The following PAK3 variants were observed in gnomAD, a reference collection of about 807,000 sequenced individuals.
PAK3 encodes serine/threonine-protein kinase PAK 3.
A neutral mutation model predicts 41.0 loss-of-function variants in PAK3; 4 were observed. The ratio of observed to expected loss-of-function variants is 0.10; its 90% CI spans 0.05 to 0.22. The LOEUF is 0.22. Ranked by LOEUF, PAK3 falls within the 10% of genes least tolerant of loss-of-function variation. The pLI is 1.00. For missense variants in PAK3, 205 were observed against 409.9 expected (o/e 0.50, Z 4.32); for synonymous variants, 146 against 139.6 (o/e 1.05, Z -0.32).
intron 8 of PAK3, among the ~76,000 whole-genome samples, chrX:111,160,519 GGTTT>G (rs1569422535): frequency 1.8e-5 from 2 of 108,945 alleles, no homozygotes. Context: ...ACAACGTGCA[GGTTT>G]GTTACATATG....
At chrX:111,063,358 G>A (rs955255316) in intron 1 of PAK3, among the ~76,000 whole-genome samples, 7 of 112,061 alleles carry the variant, frequency 6.2e-5, no homozygotes, top group Non-Finnish European at 1.1e-4. Context: ...CAATTTAAGA[G>A]TTCACAAAAT....
At chrX:111,064,063 C>T (rs770439276) in intron 1 of PAK3, among the ~76,000 whole-genome samples, 2 of 110,814 alleles carry the variant, frequency 1.8e-5, no homozygotes, top group South Asian at 7.7e-4. Flanking sequence ...CTTTGTGTAC[C>T]CTGAGCTATG....
At chrX:110,997,532 A>G (rs1447156106) in intron 1 of PAK3, among the ~76,000 whole-genome samples, 1 of 111,765 alleles carries the variant, frequency 8.9e-6, no homozygotes, top group African/African-American at 3.3e-5. Flanking sequence ...AGACCTATAA[A>G]TAGGACATGA....
chrX:111,108,589 G>T (rs764870197), intron 4 of PAK3, among the ~76,000 whole-genome samples: 11 of 112,565 alleles, frequency 9.8e-5, no homozygotes, highest in African/African-American at 3.5e-4. Context: ...TAGGTTGTGT[G>T]CTCCTTATGA....
At chrX:110,995,079 G>A (rs1050762424) in intron 1 of PAK3, among the ~76,000 whole-genome samples, 5 of 111,222 alleles carry the variant, frequency 4.5e-5, no homozygotes, top group South Asian at 3.8e-4. Flanking sequence ...TTGTGTTTAC[G>A]TCTTGATCTC....
intron 1 of PAK3, among the ~76,000 whole-genome samples, chrX:111,052,566 A>T (rs895465390): frequency 2.7e-5 from 3 of 112,218 alleles, no homozygotes; most frequent in African/African-American, 9.7e-5. Context: ...GGGTGGGTAC[A>T]ATTACTGTTA....
intron 1 of PAK3, among the ~76,000 whole-genome samples, chrX:110,988,485 G>A (rs897518160): frequency 2.7e-5 from 3 of 111,739 alleles, no homozygotes; most frequent in Non-Finnish European, 5.6e-5. Context: ...TATATACATC[G>A]TTTGTGTGTA....
chrX:111,162,313 G>A (rs1283601787), intron 8 of PAK3, among the ~76,000 whole-genome samples: 2 of 111,869 alleles, frequency 1.8e-5, no homozygotes, highest in African/African-American at 6.5e-5. Context: ...TTTAACTCAT[G>A]GTTAATATTG....
At chrX:110,956,793 A>T (rs1354203076) in intron 1 of PAK3, among the ~76,000 whole-genome samples, 3 of 111,624 alleles carry the variant, frequency 2.7e-5, no homozygotes, top group African/African-American at 6.5e-5. Flanking sequence ...GAGAGCACTT[A>T]GTCTCCTCCC....
intron 1 of PAK3, among the ~76,000 whole-genome samples, chrX:110,988,608 G>T (rs1382562823): frequency 9.0e-6 from 1 of 111,549 alleles, no homozygotes; most frequent in Admixed American, 9.5e-5. Flanking sequence ...GGAGAAACTG[G>T]CATCCAGAGA....
Position 111,163,550 on chromosome X carries a change from T to C in PAK3, c.601-12T>C, listed in dbSNP as rs762812731. 2 of 1,192,223 alleles carry C rather than the reference T, an allele frequency of 1.7e-6. No homozygotes were observed. Among genetic ancestry groups the C allele is most frequent in the South Asian group, 1.8e-5 (1 of 56,485 alleles). Reference sequence around the variant, plus strand: ...CTGCTGTTTTAATTGCAGAGCTTTTTGGTTTTTTTAGATCTATACTCGTTC... The same window carrying C: ...CTGCTGTTTTAATTGCAGAGCTTTTCGGTTTTTTTAGATCTATACTCGTTC... On this transcript the variant is annotated splice_polypyrimidine_tract_variant and intron_variant, in intron 9 of 17. Transcript: ENST00000372007.
At chrX:111,166,505 G>T (rs2094257303) in intron 10 of PAK3, among the ~76,000 whole-genome samples, 1 of 110,527 alleles carries the variant, frequency 9.0e-6, no homozygotes, top group Non-Finnish European at 1.9e-5. Context: ...TTGCTGTGTT[G>T]CCCAGGCTGG....
At chrX:111,035,652 T>C (rs1176046438) in intron 1 of PAK3, among the ~76,000 whole-genome samples, 1 of 112,449 alleles carries the variant, frequency 8.9e-6, no homozygotes, top group African/African-American at 3.2e-5. Context: ...CTTTAAGTGC[T>C]GTGCAACTAC....
chrX:110,986,610 A>G (rs901040389), intron 1 of PAK3, among the ~76,000 whole-genome samples: 1 of 111,812 alleles, frequency 8.9e-6, no homozygotes, highest in African/African-American at 3.3e-5. Context: ...GGGCTGTATT[A>G]AATGCTTTCC....
Position 111,194,384 on chromosome X carries a change from T to C in PAK3, c.1076T>C (p.Met359Thr). 2 of 1,161,248 alleles carry C rather than the reference T, an allele frequency of 1.7e-6. No individual in the cohort carries two copies. Among genetic ancestry groups the C allele is most frequent in the Non-Finnish European group, 2.4e-6 (2 of 849,443 alleles). Residue 359 changes from methionine to threonine, a missense_variant, in exon 14 of 18, where the codon ATG (methionine) becomes ACG (threonine). Met to Thr is a moderately conservative substitution (Grantham distance 81). Coordinates refer to ENST00000372007, the MANE Select transcript of PAK3 (RefSeq NM_002578.5). ...SLTDVVTETC[M>T]DEGQIAAVCR... Reference sequence around the variant, plus strand: ...ACTGATGTGGTCACAGAGACCTGTATGGATGAAGGACAGATAGCAGCTGTC... The same window carrying C: ...ACTGATGTGGTCACAGAGACCTGTACGGATGAAGGACAGATAGCAGCTGTC...
chrX:111,007,281 T>C (rs2091947011), intron 1 of PAK3, among the ~76,000 whole-genome samples: 1 of 111,337 alleles, frequency 9.0e-6, no homozygotes, highest in Admixed American at 9.6e-5. Context: ...ACCTGCCCTG[T>C]GGGAGTCACT....
chrX:111,046,337 C>T (rs1488664433), intron 1 of PAK3, among the ~76,000 whole-genome samples: 2 of 111,104 alleles, frequency 1.8e-5, no homozygotes, highest in Admixed American at 1.9e-4. Context: ...AGGGCTTACT[C>T]CACAAAGATT....
chrX:110,986,121 T>G (rs2091538547), intron 1 of PAK3, among the ~76,000 whole-genome samples: 1 of 112,183 alleles, frequency 8.9e-6, no homozygotes, highest in Non-Finnish European at 1.9e-5. Context: ...TGTACTATCT[T>G]GATACTGAAA....
At chrX:111,090,377 T>C (rs1342553795) in intron 1 of PAK3, among the ~76,000 whole-genome samples, 2 of 111,880 alleles carry the variant, frequency 1.8e-5, no homozygotes, top group Admixed American at 1.9e-4. Context: ...AGTGGATACA[T>C]GAGTTCAAGA....
Sources: allele counts gnomAD v4.1 joint callset (sites outside exome capture counted in the v4.1 genomes callset), GRCh38; gene constraint gnomAD v4.1.1; transcripts MANE v1.5; gene names NCBI Gene and HGNC (gene_info 2026-07-23, HGNC 2026-07-21).